PRKD1: variants seen among roughly 807,000 people sequenced by gnomAD.
PRKD1 encodes the protein protein kinase D1.
A neutral mutation model predicts 95.9 loss-of-function variants in PRKD1; 63 were observed. The ratio of observed to expected loss-of-function variants is 0.66; its 90% confidence interval spans 0.54 to 0.81. PRKD1 has a LOEUF of 0.81. Among genes scored for constraint, PRKD1 ranks in the 30% least tolerant of loss-of-function variants. The probability of loss-of-function intolerance (pLI) is 0.00; values close to 1 mark genes in which losing one functional copy is unlikely to be tolerated. For synonymous variants in PRKD1, 425 were observed against 423.1 expected, an observed-to-expected ratio of 1.00 and a Z score of -0.05; for missense variants, 1,048 against 1,165.3, an observed-to-expected ratio of 0.90 and a Z score of 1.47.
At chr14:29,782,543 CT>C (rs1337829945) in intron 1 of PRKD1, among the ~76,000 whole-genome samples, 4 of 151,342 alleles carry the variant, frequency 2.6e-5, no homozygotes, top group African/African-American at 9.7e-5. Context: ...TTGTTTTTTG[CT>C]TTTTTGATAC....
At chr14:29,924,515 G>A (rs775413493) in intron 1 of PRKD1, among the ~76,000 whole-genome samples, 2 of 152,090 alleles carry the variant, frequency 1.3e-5, no homozygotes, top group African/African-American at 2.4e-5. Flanking sequence ...TCCAATGCTC[G>A]TATGATCTAT....
chr14:29,778,609 A>G (rs1214684760), intron 1 of PRKD1, among the ~76,000 whole-genome samples: 2 of 152,204 alleles, frequency 1.3e-5, no homozygotes, highest in African/African-American at 4.8e-5. Flanking sequence ...ATCCCTGAAT[A>G]GACAAATAAC....
intron 4 of PRKD1, among the ~76,000 whole-genome samples, chr14:29,648,095 G>T (rs921073055): frequency 3.4e-4 from 51 of 152,166 alleles, no homozygotes; most frequent in Non-Finnish European, 5.9e-5. Context: ...AAGAGATAAG[G>T]TTAATTAATG....
chr14:29,722,077 T>A (rs377459243), intron 2 of PRKD1, among the ~76,000 whole-genome samples: 4 of 152,262 alleles, frequency 2.6e-5, no homozygotes, highest in African/African-American at 9.6e-5. Context: ...ACCTTGAAAT[T>A]TTTCCCTATT....
intron 13 of PRKD1, among the ~76,000 whole-genome samples, chr14:29,601,440 C>T (rs1235861610): frequency 1.3e-5 from 2 of 152,092 alleles, no homozygotes; most frequent in African/African-American, 2.4e-5. Context: ...TGAGCAGACG[C>T]CTACACATCT....
Position 29,626,528 on chromosome 14 carries a change from G to A in PRKD1, c.1754C>T (p.Pro585Leu), listed in dbSNP as rs1419164715. The A allele has an allele frequency of 1.2e-6, 2 of 1,611,894 alleles. No homozygotes were observed. Among genetic ancestry groups the A allele is most frequent in the Middle Eastern group, 3.3e-4 (2 of 6,042 alleles). ...CTGTCCAGAACCCAGTACTTCATCA[G>A]GAAAAATCTGATATACTGTGCTGAT... ...VDISTVYQIF[P>L]DEVLGSGQFG... The change falls in exon 12 of 18, where the codon CCT becomes CTT. Residue 585 changes from proline to leucine, a missense_variant. Physicochemically the swap from Pro to Leu is moderately conservative, Grantham distance 98. Coordinates refer to ENST00000331968, the MANE Select transcript of PRKD1 (RefSeq NM_002742.3).
chr14:29,603,126 G>T (rs1401183159), intron 13 of PRKD1, among the ~76,000 whole-genome samples: 1 of 152,178 alleles, frequency 6.6e-6, no homozygotes, highest in Non-Finnish European at 1.5e-5. Flanking sequence ...AGAAGTCTTA[G>T]AAGTTTAAAT....
At chr14:29,793,310 A>T (rs997557145) in intron 1 of PRKD1, among the ~76,000 whole-genome samples, 1 of 152,048 alleles carries the variant, frequency 6.6e-6, no homozygotes, top group East Asian at 1.9e-4. Context: ...GGAAAAAACA[A>T]AAAGAGCAAA....
chr14:29,758,269 G>C (rs905592073), intron 1 of PRKD1, among the ~76,000 whole-genome samples: 7 of 152,086 alleles, frequency 4.6e-5, no homozygotes, highest in Admixed American at 4.6e-4. Flanking sequence ...ACAGAAGGTG[G>C]AGAGAGAATA....
intron 1 of PRKD1, among the ~76,000 whole-genome samples, chr14:29,902,789 GT>G (rs1894361876): frequency 6.6e-6 from 1 of 151,748 alleles, no homozygotes; most frequent in Non-Finnish European, 1.5e-5. Context: ...GTGTTACTGA[GT>G]TTTTCTAATT....
intron 13 of PRKD1, among the ~76,000 whole-genome samples, chr14:29,615,991 G>C (rs1174393776): frequency 6.6e-6 from 1 of 152,116 alleles, no homozygotes; most frequent in African/African-American, 2.4e-5. Context: ...TGAAGTGCCT[G>C]TGGAAGGCTG....
At chr14:29,585,417 A>T (rs1385709952) in intron 16 of PRKD1, among the ~76,000 whole-genome samples, 2 of 152,174 alleles carry the variant, frequency 1.3e-5, no homozygotes. Context: ...TTATTCTATC[A>T]ATGGTTACTC....
intron 1 of PRKD1, among the ~76,000 whole-genome samples, chr14:29,828,972 G>A (rs1177245336): frequency 1.3e-5 from 2 of 152,202 alleles, no homozygotes; most frequent in African/African-American, 4.8e-5. Flanking sequence ...TTTTTGGAGT[G>A]CTCCCTCTTG....
At chr14:29,678,624 A>G (rs1883362711) in intron 2 of PRKD1, among the ~76,000 whole-genome samples, 1 of 152,206 alleles carries the variant, frequency 6.6e-6, no homozygotes, top group Non-Finnish European at 1.5e-5. Context: ...AAAAGTTTCA[A>G]ACTCAAATTT....
chr14:29,867,831 A>G (rs12883549), intron 1 of PRKD1, among the ~76,000 whole-genome samples: 4,377 of 152,282 alleles, frequency 0.029, 122 homozygotes, highest in Middle Eastern at 0.044. Flanking sequence ...AACAACCCAG[A>G]AATTTGGAAG....
chr14:29,764,337 G>A lies in PRKD1; in HGVS notation c.265-38663C>T, dbSNP rs1888164981. Among the ~76,000 whole-genome samples, 3 of 152,146 alleles carry A rather than the reference G, an allele frequency of 2.0e-5. 1 individual carries two copies. The highest frequency in any genetic ancestry group is 4.1e-4 in the South Asian group (2 of 4,834). On this transcript the variant is annotated intron_variant, in intron 1 of 17. Transcript: ENST00000331968. ...ATAAATACCTTTAAATCATTGAAGA[G>A]TTGACAAGGTAAGAGGGAAATATTA...
intron 1 of PRKD1, among the ~76,000 whole-genome samples, chr14:29,781,641 C>T (rs1889049500): frequency 6.6e-6 from 1 of 152,172 alleles, no homozygotes; most frequent in Admixed American, 6.5e-5. Flanking sequence ...CTTCAAAAGG[C>T]AAGGGAGTCT....
At chr14:29,787,602 T>A (rs945900462) in intron 1 of PRKD1, among the ~76,000 whole-genome samples, 2 of 152,148 alleles carry the variant, frequency 1.3e-5, no homozygotes, top group Non-Finnish European at 2.9e-5. Flanking sequence ...TCTCTTTTTA[T>A]ATATTTTTAA....
chr14:29,610,174 G>C (rs997253089), intron 13 of PRKD1, among the ~76,000 whole-genome samples: 2 of 151,966 alleles, frequency 1.3e-5, no homozygotes, highest in East Asian at 3.9e-4. Context: ...CTTCAGAAAA[G>C]ATGAATGGAA....
Sources: allele counts gnomAD v4.1 joint callset (sites outside exome capture counted in the v4.1 genomes callset), GRCh38; gene constraint gnomAD v4.1.1; transcripts MANE v1.5; gene names NCBI Gene and HGNC (gene_info 2026-07-23, HGNC 2026-07-21).